The following PTPRD variants were observed in gnomAD, a reference collection of about 807,000 sequenced individuals.
PTPRD encodes the protein receptor-type tyrosine-protein phosphatase delta.
In PTPRD, 34 loss-of-function variants were observed where a neutral mutation model predicts 214.5. The ratio of observed to expected loss-of-function variants is 0.16; its 90% CI spans 0.12 to 0.21. PTPRD has a LOEUF of 0.21. Ranked by LOEUF, PTPRD falls within the 10% of genes least tolerant of loss-of-function variation. PTPRD has a pLI of 1.00. For missense variants in PTPRD, 2,545 were observed against 2,398.7 expected, an observed-to-expected ratio of 1.06 and a Z score of -1.27; for synonymous variants, 1,128 against 845.7, an observed-to-expected ratio of 1.33 and a Z score of -5.79.
chr9:10,585,986 G>A (rs549035131), intron 2 of PTPRD, among the ~76,000 whole-genome samples: 6 of 152,094 alleles, frequency 3.9e-5, no homozygotes, highest in African/African-American at 9.6e-5. Flanking sequence ...GTAATACAGC[G>A]TGAGTACAAA....
chr9:10,559,471 T>G (rs1027364335), intron 2 of PTPRD, among the ~76,000 whole-genome samples: 1 of 152,156 alleles, frequency 6.6e-6, no homozygotes, highest in African/African-American at 2.4e-5. Flanking sequence ...TTAGAAATAA[T>G]CTCTCATAGT....
At position 9,998,129 on chromosome 9, in the gene PTPRD, A is replaced by AATATATATATATATATAT. The variant is rs1555449231; in HGVS notation, c.-472+35588_-472+35589insATATATATATATATATAT. Among the ~76,000 whole-genome samples, 207 of 91,402 alleles carry AATATATATATATATATAT rather than the reference A, an allele frequency of 2.3e-3. 5 individuals are homozygous for AATATATATATATATATAT. The highest frequency in any genetic ancestry group is 0.011 in the African/African-American group (189 of 16,940). 60.0% of individuals were successfully genotyped at this position (91,402 alleles called of 152,430 possible). The stretch of plus-strand genomic sequence containing the variant: ...TTAAAGTATAATAAAAAAAAAAAAA[A>AATATATATATATATATAT]ATATATATATATATATAAAAGAAGA... On this transcript the variant is annotated intron_variant, in intron 4 of 45. Transcript: ENST00000381196.
intron 2 of PTPRD, among the ~76,000 whole-genome samples, chr9:10,398,693 T>A (rs1345367422): frequency 6.6e-6 from 1 of 151,984 alleles, no homozygotes; most frequent in Non-Finnish European, 1.5e-5. Context: ...GAGAAAGTAA[T>A]CGGTATTAGT....
chr9:10,612,180 C>T (rs1295554832), intron 2 of PTPRD, among the ~76,000 whole-genome samples: 1 of 141,658 alleles, frequency 7.1e-6, no homozygotes, highest in Non-Finnish European at 1.5e-5. Flanking sequence ...CATACTGATC[C>T]CATATCGAAG....
In PTPRD at chr9:9,698,966, T is replaced by C. The variant is rs60607532; in HGVS notation, c.-287+35567A>G. Among the ~76,000 whole-genome samples, 552 of 152,306 alleles carry C rather than the reference T, an allele frequency of 3.6e-3. 4 individuals are homozygous for C. The highest frequency in any genetic ancestry group is 0.012 in the African/African-American group (516 of 41,572). Reference sequence around the variant, plus strand: ...TTGCTAGAAGTTCGGTAATTCACTGTTCCTTGTGTCTAACTTTTTAATAAA... The same window carrying C: ...TTGCTAGAAGTTCGGTAATTCACTGCTCCTTGTGTCTAACTTTTTAATAAA... On this transcript the variant is annotated intron_variant, in intron 7 of 45. Coordinates refer to ENST00000381196, the MANE Select transcript of PTPRD (RefSeq NM_002839.4).
intron 4 of PTPRD, among the ~76,000 whole-genome samples, chr9:10,029,569 G>T (rs972733323): frequency 6.6e-6 from 1 of 152,212 alleles, no homozygotes; most frequent in Non-Finnish European, 1.5e-5. Context: ...TGCCCTGCTG[G>T]ATTTTGGATT....
intron 5 of PTPRD, among the ~76,000 whole-genome samples, chr9:9,770,756 A>C: frequency 6.6e-6 from 1 of 152,182 alleles, no homozygotes. Flanking sequence ...ATCTGGAGAA[A>C]AAAATAATTC....
chr9:10,608,605 CT>C, intron 2 of PTPRD, among the ~76,000 whole-genome samples: 2 of 152,208 alleles, frequency 1.3e-5, no homozygotes, highest in East Asian at 3.9e-4. Context: ...AGTCACATAG[CT>C]TGAAAGACTT....
intron 2 of PTPRD, among the ~76,000 whole-genome samples, chr9:10,600,409 A>G (rs2077665338): frequency 6.6e-6 from 1 of 151,718 alleles, no homozygotes; most frequent in South Asian, 2.1e-4. Context: ...AGTACACCCA[A>G]TTTCTTAAGA....
intron 4 of PTPRD, among the ~76,000 whole-genome samples, chr9:10,023,397 C>A (rs531164035): frequency 3.9e-5 from 6 of 152,168 alleles, no homozygotes; most frequent in African/African-American, 7.2e-5. Flanking sequence ...AAAGCAAGGA[C>A]TCCTGTCCGT....
intron 9 of PTPRD, among the ~76,000 whole-genome samples, chr9:9,203,840 G>A (rs2099943283): frequency 6.6e-6 from 1 of 152,264 alleles, no homozygotes; most frequent in Non-Finnish European, 1.5e-5. Context: ...GTAGAAAATG[G>A]CTATTTTAGA....
At chr9:8,929,780 G>GTATATATAT (rs1272978143) in intron 11 of PTPRD, among the ~76,000 whole-genome samples, 8,036 of 82,346 alleles carry the variant, frequency 0.098, 2,067 homozygotes, top group East Asian at 0.56. Context: ...TATATATATG[G>GTATATATAT]GTGTGTATAT....
intron 8 of PTPRD, among the ~76,000 whole-genome samples, chr9:9,469,432 T>G (rs369989560): frequency 5.8e-4 from 88 of 152,300 alleles, no homozygotes; most frequent in Admixed American, 2.5e-3. Context: ...ACATGACCGA[T>G]GTACTTGGGT....
intron 10 of PTPRD, among the ~76,000 whole-genome samples, chr9:9,079,714 T>A (rs998396783): frequency 3.3e-5 from 5 of 151,978 alleles, no homozygotes; most frequent in African/African-American, 1.2e-4. Flanking sequence ...ACAGAAACAC[T>A]TTAGGGAGGG....
intron 8 of PTPRD, among the ~76,000 whole-genome samples, chr9:9,402,089 C>T (rs2070844254): frequency 6.6e-6 from 1 of 152,018 alleles, no homozygotes. Flanking sequence ...AAAGTTGGTT[C>T]ATTTTTGCCA....
intron 5 of PTPRD, among the ~76,000 whole-genome samples, chr9:9,876,582 C>T (rs979607028): frequency 6.6e-6 from 1 of 152,138 alleles, no homozygotes; most frequent in East Asian, 1.9e-4. Context: ...AATATGAGAT[C>T]ATTACATTTC....
chr9:8,641,440 G>A (rs959269434), intron 12 of PTPRD, among the ~76,000 whole-genome samples: 1 of 148,576 alleles, frequency 6.7e-6, no homozygotes, highest in East Asian at 1.9e-4. Flanking sequence ...AGCTGCCAAT[G>A]CTGTACTTTG....
At chr9:10,153,834 C>T (rs1051117231) in intron 3 of PTPRD, among the ~76,000 whole-genome samples, 6 of 151,972 alleles carry the variant, frequency 3.9e-5, no homozygotes, top group Non-Finnish European at 7.4e-5. Context: ...TTAGTGGCTG[C>T]GTAGAATTCC....
intron 11 of PTPRD, among the ~76,000 whole-genome samples, chr9:8,900,746 G>A (rs1018119841): frequency 6.6e-6 from 1 of 152,140 alleles, no homozygotes; most frequent in Non-Finnish European, 1.5e-5. Context: ...AACCAAATTA[G>A]CACTGAACAC....
Sources: gnomAD v4.1 joint callset for allele counts (sites outside exome capture counted in the v4.1 genomes callset) on GRCh38, gnomAD v4.1.1 for gene constraint, MANE v1.5 for transcripts, NCBI Gene and HGNC (gene_info 2026-07-23, HGNC 2026-07-21) for gene names.